The following CA4 variants were observed in gnomAD, a reference collection of about 807,000 sequenced individuals.
The protein encoded by CA4 is carbonic anhydrase 4, also known as CA-IV.
A neutral mutation model predicts 34.5 loss-of-function variants in CA4; 24 were observed. That is an observed-to-expected ratio of 0.70 (90% CI 0.50 to 0.98). CA4 has a LOEUF of 0.98. Among genes scored for constraint, CA4 ranks in the 50% least tolerant of loss-of-function variants. The pLI, the probability that CA4 is intolerant of heterozygous loss-of-function variation, is 0.00. For missense variants in CA4, 394 were observed against 396.7 expected, an observed-to-expected ratio of 0.99 and a Z score of 0.06; for synonymous variants, 178 against 170.6, an observed-to-expected ratio of 1.04 and a Z score of -0.34.
In CA4 at chr17:60,157,799, C is replaced by A; in HGVS notation, c.513+11C>A. The A allele has an allele frequency of 6.2e-7, 1 of 1,604,990 alleles. No homozygotes were observed. The highest frequency in any genetic ancestry group is 8.5e-7 in the Non-Finnish European group (1 of 1,171,724). On this transcript the variant is annotated intron_variant, in intron 5 of 7. Coordinates refer to ENST00000300900, the MANE Select transcript of CA4 (RefSeq NM_000717.5). Reference sequence around the variant, plus strand: ...GCCTTTCTGGTGGAGGTGGGACTCCCATCCCCCACTTCCCGGGGAACCCGG... The same window carrying A: ...GCCTTTCTGGTGGAGGTGGGACTCCAATCCCCCACTTCCCGGGGAACCCGG...
downstream of CA4, among the ~76,000 whole-genome samples, chr17:60,173,337 A>G (rs779306460): frequency 5.9e-5 from 9 of 152,186 alleles, no homozygotes; most frequent in Non-Finnish European, 1.3e-4. Flanking sequence ...ACAGTCTACT[A>G]TGTTCCTCAT....
At chr17:60,166,733 G>A (rs1471609105) in intron 5 of CA4, among the ~76,000 whole-genome samples, 2 of 151,900 alleles carry the variant, frequency 1.3e-5, no homozygotes, top group South Asian at 2.1e-4. Flanking sequence ...AGGGGGGGGC[G>A]GATCACCTGA....
At chr17:60,164,264 C>T (rs1176136587), downstream of CA4, among the ~76,000 whole-genome samples, 2 of 146,570 alleles carry the variant, frequency 1.4e-5, no homozygotes, top group Non-Finnish European at 3.0e-5. Flanking sequence ...TCCGTCTTTC[C>T]GTCCTTCCCT....
chr17:60,156,405 T>C (rs1437668240), intron 2 of CA4, among the ~76,000 whole-genome samples, 155 bp from the exon 3 acceptor site: 1 of 151,772 alleles, frequency 6.6e-6, no homozygotes, highest in African/African-American at 2.4e-5. Context: ...GAGAGTGGAG[T>C]TCGGAGCTGA....
At chr17:60,167,273 C>A (rs527945883) in intron 5 of CA4, among the ~76,000 whole-genome samples, 2 of 152,268 alleles carry the variant, frequency 1.3e-5, no homozygotes, top group Non-Finnish European at 2.9e-5. Context: ...CAGTCAAGGA[C>A]GCTGGGATGT....
At chr17:60,155,639 T>C (rs1336539555) in intron 2 of CA4, among the ~76,000 whole-genome samples, 2 of 145,910 alleles carry the variant, frequency 1.4e-5, no homozygotes, top group South Asian at 2.2e-4. Flanking sequence ...CACTCACACA[T>C]GCACACACAC....
intron 1 of CA4, 150 bp downstream of exon 1, chr17:60,150,242 G>GT: frequency 1.5e-6 from 1 of 649,788 alleles, no homozygotes; most frequent in Non-Finnish European, 2.6e-6. Context: ...GGCCGCGAGG[G>GT]TGCGGGAGGA....
chr17:60,157,933 C>T, intron 5 of CA4, 128 bp from the exon 6 acceptor site: 1 of 1,552,180 alleles, frequency 6.4e-7, no homozygotes. Context: ...TGTCCCCGGG[C>T]CAGGTGGGGA....
chr17:60,174,841 A>G (rs527984107), downstream of CA4, among the ~76,000 whole-genome samples: 1 of 152,318 alleles, frequency 6.6e-6, no homozygotes, highest in Non-Finnish European at 1.5e-5. Flanking sequence ...GTGGCAAATC[A>G]TCTACTTGCT....
At chr17:60,168,261 G>A (rs2083875849) in intron 5 of CA4, among the ~76,000 whole-genome samples, 1 of 135,064 alleles carries the variant, frequency 7.4e-6, no homozygotes, top group South Asian at 2.6e-4. Flanking sequence ...AGGAGGAGGT[G>A]GGGAAGGGTG....
intron 1 of CA4, among the ~76,000 whole-genome samples, chr17:60,150,682 AAAAAAAAAG>A (rs1286325082): frequency 7.1e-6 from 1 of 140,286 alleles, no homozygotes; most frequent in African/African-American, 3.0e-5. Context: ...AAAAAAAAAA[AAAAAAAAAG>A]GATGCTTCTC....
At position 60,158,380 on chromosome 17, in the gene CA4, A is replaced by G. The variant is rs2083734044; in HGVS notation, c.678A>G (p.Thr226=). Residue 226 remains threonine (T), a synonymous_variant, in exon 7 of 8, where the codon ACA becomes ACG. Coordinates refer to ENST00000300900, the MANE Select transcript of CA4 (RefSeq NM_000717.5). ...TCCGCTACCTGGGCTCACTCACCAC[A>G]CCGACCTGCGATGAGAAGGTCGTCT... ...HYFRYLGSLT[T]PTCDEKVVWT... The G allele has an allele frequency of 6.2e-7, 1 of 1,614,138 alleles. No homozygotes were observed. Among genetic ancestry groups the G allele is most frequent in the Non-Finnish European group, 8.5e-7 (1 of 1,180,000 alleles).
At chr17:60,157,144 C>T (rs1450914640) in intron 3 of CA4, among the ~76,000 whole-genome samples, 3 of 152,174 alleles carry the variant, frequency 2.0e-5, no homozygotes, top group African/African-American at 7.2e-5. Context: ...CAGGGCACCA[C>T]AGAGGAGGTG....
At chr17:60,165,034 A>G (rs915839612) in intron 5 of CA4, among the ~76,000 whole-genome samples, 1 of 152,216 alleles carries the variant, frequency 6.6e-6, no homozygotes, top group Middle Eastern at 3.2e-3. Context: ...AAGATGAAAC[A>G]AGATGCCGGG....
the CA4 span, among the ~76,000 whole-genome samples, chr17:60,176,695 T>G: frequency 6.6e-6 from 1 of 152,170 alleles, no homozygotes; most frequent in Admixed American, 6.5e-5. Context: ...ACCTGGTCAC[T>G]GGAGGGATCT....
At chr17:60,168,896 G>C (rs926551334) in intron 5 of CA4, among the ~76,000 whole-genome samples, 1 of 152,156 alleles carries the variant, frequency 6.6e-6, no homozygotes, top group African/African-American at 2.4e-5. Flanking sequence ...TCATTACAGC[G>C]AGTGACCTTT....
chr17:60,151,303 A>G (rs1176282903), intron 1 of CA4: 1 of 152,218 alleles, frequency 6.6e-6, no homozygotes, highest in African/African-American at 2.4e-5. Context: ...TCCTCTGCAC[A>G]GAGAGGAGCC....
chr17:60,156,933 C>T (rs146409669), intron 3 of CA4: 31 of 614,280 alleles, frequency 5.0e-5, no homozygotes, highest in Non-Finnish European at 8.1e-5. Flanking sequence ...GGGCAGGAAA[C>T]GTTCCAGGAA....
At chr17:60,161,493 C>T (rs1432391721), downstream of CA4, among the ~76,000 whole-genome samples, 4 of 152,130 alleles carry the variant, frequency 2.6e-5, no homozygotes, top group South Asian at 2.1e-4. Context: ...CACAGGAAGG[C>T]GTGCCCACCA....
Sources: gnomAD v4.1 joint callset for allele counts (sites outside exome capture counted in the v4.1 genomes callset) on GRCh38, gnomAD v4.1.1 for gene constraint, MANE v1.5 for transcripts, NCBI Gene and HGNC (gene_info 2026-07-23, HGNC 2026-07-21) for gene names.